The following UNC5C variants were observed in gnomAD, a reference collection of about 807,000 sequenced individuals.
The protein encoded by UNC5C is netrin receptor UNC5C.
UNC5C carries 47 observed loss-of-function variants against 99.8 expected under a neutral mutation model. The observed-to-expected ratio is 0.47, with a 90% confidence interval of 0.37 to 0.60. The LOEUF (loss-of-function observed/expected upper bound fraction) is 0.60. Ranked by LOEUF, UNC5C falls within the 20% of genes least tolerant of loss-of-function variation. The probability of loss-of-function intolerance (pLI) is 0.00; values close to 1 mark genes in which losing one functional copy is unlikely to be tolerated. For missense variants in UNC5C, 1,062 were observed against 1,165.9 expected (o/e 0.91, Z 1.30); for synonymous variants, 487 against 452.2 (o/e 1.08, Z -0.98).
chr4:95,345,352 T>C (rs1011796929), intron 1 of UNC5C, among the ~76,000 whole-genome samples: 3 of 151,886 alleles, frequency 2.0e-5, no homozygotes, highest in Admixed American at 2.0e-4. Flanking sequence ...CCAAATATAA[T>C]ATATAAATCA....
chr4:95,191,568 C>A (rs975261633), intron 12 of UNC5C, among the ~76,000 whole-genome samples: 5 of 151,642 alleles, frequency 3.3e-5, no homozygotes, highest in African/African-American at 1.2e-4. Context: ...TTGTGCTCAC[C>A]CTCCTCCTCT....
At chr4:95,502,986 A>G (rs538769565) in intron 1 of UNC5C, among the ~76,000 whole-genome samples, 1 of 152,294 alleles carries the variant, frequency 6.6e-6, no homozygotes, top group Non-Finnish European at 1.5e-5. Context: ...TTTTATTTAT[A>G]TTCACTAAGT....
intron 1 of UNC5C, among the ~76,000 whole-genome samples, chr4:95,356,627 T>C (rs1038345388): frequency 1.3e-5 from 2 of 152,188 alleles, no homozygotes; most frequent in African/African-American, 4.8e-5. Flanking sequence ...GTGAATATAG[T>C]CTAGAAGTCC....
intron 12 of UNC5C, among the ~76,000 whole-genome samples, chr4:95,199,239 C>A (rs1243630178): frequency 1.3e-5 from 2 of 152,186 alleles, no homozygotes; most frequent in Admixed American, 1.3e-4. Context: ...GCCAAGAAGG[C>A]AGAGTTTTAG....
intron 14 of UNC5C, 119 bp from the exon 15 acceptor site, chr4:95,170,451 C>CTT: frequency 8.2e-7 from 1 of 1,216,024 alleles, no homozygotes; most frequent in Non-Finnish European, 1.1e-6. Context: ...TGCTGTTATT[C>CTT]TTCTTAGGAA....
chr4:95,446,725 G>A (rs558092190), intron 1 of UNC5C, among the ~76,000 whole-genome samples: 25 of 152,104 alleles, frequency 1.6e-4, no homozygotes, highest in South Asian at 8.3e-4. Flanking sequence ...TACACACTGC[G>A]TTTCAAAACT....
chr4:95,485,251 A>G (rs924053372), intron 1 of UNC5C, among the ~76,000 whole-genome samples: 1 of 151,828 alleles, frequency 6.6e-6, no homozygotes, highest in African/African-American at 2.4e-5. Flanking sequence ...ATTACCAGAT[A>G]TCTTATGCTA....
intron 3 of UNC5C, among the ~76,000 whole-genome samples, chr4:95,289,541 T>C (rs1741367011): frequency 6.6e-6 from 1 of 152,242 alleles, no homozygotes; most frequent in African/African-American, 2.4e-5. Flanking sequence ...CACTGAACAA[T>C]GGTGTTGAAC....
At chr4:95,375,007 T>C (rs1207961772) in intron 1 of UNC5C, among the ~76,000 whole-genome samples, 2 of 152,132 alleles carry the variant, frequency 1.3e-5, no homozygotes, top group Non-Finnish European at 2.9e-5. Flanking sequence ...TAGAAAAGAA[T>C]ATAGGTTAGA....
At chr4:95,455,448 TG>T (rs1747400849) in intron 1 of UNC5C, among the ~76,000 whole-genome samples, 1 of 152,010 alleles carries the variant, frequency 6.6e-6, no homozygotes. Context: ...GCAGGAGCAT[TG>T]CTTGCATGAG....
intron 1 of UNC5C, among the ~76,000 whole-genome samples, chr4:95,411,998 TC>T (rs2149452299): frequency 6.6e-6 from 1 of 151,738 alleles, no homozygotes; most frequent in Non-Finnish European, 1.5e-5. Flanking sequence ...TTTTTTTTTT[TC>T]CTAAAACCTA....
chr4:95,479,688 A>AT (rs1721077702), intron 1 of UNC5C, among the ~76,000 whole-genome samples: 1 of 151,906 alleles, frequency 6.6e-6, no homozygotes, highest in South Asian at 2.1e-4. Flanking sequence ...GTGAACATAT[A>AT]TTTTTTAACC....
chr4:95,327,237 A>G (rs764552339), intron 2 of UNC5C, among the ~76,000 whole-genome samples: 2 of 152,146 alleles, frequency 1.3e-5, no homozygotes, highest in Non-Finnish European at 1.5e-5. Flanking sequence ...TGCATTCACA[A>G]TATTTCTGAT....
chr4:95,535,870 A>T (rs1199964923), intron 1 of UNC5C, among the ~76,000 whole-genome samples: 2 of 152,010 alleles, frequency 1.3e-5, no homozygotes, highest in Admixed American at 1.3e-4. Context: ...ATTCTCTAGC[A>T]ATTAAAGAAA....
At chr4:95,526,900 A>G (rs1366515074) in intron 1 of UNC5C, among the ~76,000 whole-genome samples, 1 of 152,118 alleles carries the variant, frequency 6.6e-6, no homozygotes, top group Non-Finnish European at 1.5e-5. Context: ...CTAAGTCCTT[A>G]ATAAATAAAA....
chr4:95,328,062 A>ATTTTTTTTTTTTTTTTTTTTTTTT (rs71583698), intron 2 of UNC5C, among the ~76,000 whole-genome samples: 1 of 86,718 alleles, frequency 1.2e-5, no homozygotes, highest in Non-Finnish European at 2.2e-5. Context: ...TTTTTTTTTA[A>ATTTTTTTTTTTTTTTTTTTTTTTT]TTTTTTTTTT....
chr4:95,171,570 A>G (rs1317055725), intron 14 of UNC5C, among the ~76,000 whole-genome samples: 1 of 152,066 alleles, frequency 6.6e-6, no homozygotes, highest in African/African-American at 2.4e-5. Flanking sequence ...ACATGAACTC[A>G]TCCTTTTTCA....
intron 1 of UNC5C, among the ~76,000 whole-genome samples, chr4:95,436,439 C>T (rs1746793691): frequency 6.6e-6 from 1 of 151,838 alleles, no homozygotes; most frequent in Admixed American, 6.6e-5. Context: ...CAAATTGTAA[C>T]CAGAGTGATT....
intron 2 of UNC5C, among the ~76,000 whole-genome samples, chr4:95,322,725 G>A (rs1387703695): frequency 6.6e-6 from 1 of 151,942 alleles, no homozygotes; most frequent in Non-Finnish European, 1.5e-5. Flanking sequence ...GATCACCTGA[G>A]GTCAGGAGTT....
Sources: gnomAD v4.1 joint callset for allele counts (sites outside exome capture counted in the v4.1 genomes callset) on GRCh38, gnomAD v4.1.1 for gene constraint, MANE v1.5 for transcripts, NCBI Gene and HGNC (gene_info 2026-07-23, HGNC 2026-07-21) for gene names.